Variants in HMCN1 observed in about 807,000 individuals in gnomAD.
HMCN1 encodes the protein hemicentin 1.
Under a neutral mutation model 625.9 loss-of-function variants are expected in HMCN1, and 321 were observed. That is an observed-to-expected ratio of 0.51 (90% CI 0.47 to 0.56). The LOEUF (loss-of-function observed/expected upper bound fraction) is 0.56, where lower values mean the gene tolerates loss of function less well. Among genes scored for constraint, HMCN1 ranks in the 20% least tolerant of loss-of-function variants. The probability of loss-of-function intolerance (pLI) is 0.00; values close to 1 mark genes in which losing one functional copy is unlikely to be tolerated. For synonymous variants in HMCN1, 2,425 were observed against 2,417.6 expected (o/e 1.00, Z -0.09); for missense variants, 6,588 against 6,887.3 (o/e 0.96, Z 1.54).
chr1:185,941,249 G>C (rs1344814813), intron 11 of HMCN1, among the ~76,000 whole-genome samples: 1 of 152,144 alleles, frequency 6.6e-6, no homozygotes, highest in Non-Finnish European at 1.5e-5. Context: ...GACCTCGCTT[G>C]GTCTTCAGAA....
chr1:186,132,935 TC>T lies in HMCN1; in HGVS notation c.13312+528del, dbSNP rs1662023564. On this transcript the variant is annotated intron_variant, in intron 86 of 106. Coordinates refer to ENST00000271588, the MANE Select transcript of HMCN1 (RefSeq NM_031935.3). The stretch of plus-strand genomic sequence containing the variant: ...CGATAGTTTGCTGAGAATGATGGTT[TC>T]CAGCTTCATCCATGTCCCTACAAAG... Among the ~76,000 whole-genome samples, 3 of 152,172 alleles carry T rather than the reference TC, an allele frequency of 2.0e-5. No individual in the cohort carries two copies. In the South Asian group the frequency reaches 6.2e-4, roughly 32 times the overall value.
intron 21 of HMCN1, 125 bp downstream of exon 21, chr1:185,989,772 ATTTTTT>A (rs1156913510): frequency 1.9e-4 from 103 of 535,998 alleles, no homozygotes; most frequent in Non-Finnish European, 2.2e-4. Flanking sequence ...CCAGATTTCT[ATTTTTT>A]TTTTTTTTTT....
In HMCN1 at chr1:186,079,787, G is replaced by C. The variant is rs571380748; in HGVS notation, c.8600-1420G>C. On this transcript the variant is annotated intron_variant, in intron 55 of 106. Transcript: ENST00000271588. ...TTATTTTCAATTAGGAAGTCAGCAA[G>C]CAAGTTGGAGATGAGTTTAGAAGGT... is the stretch of plus-strand genomic sequence containing the variant. Among the ~76,000 whole-genome samples, 25 of 152,318 alleles carry C rather than the reference G, an allele frequency of 1.6e-4. No individual in the cohort carries two copies. The Middle Eastern group carries it at 0.01, about 62-fold the overall frequency.
intron 82 of HMCN1, 121 bp from the exon 83 acceptor site, chr1:186,127,957 G>T: frequency 1.2e-6 from 1 of 852,982 alleles, no homozygotes. Context: ...ACTAAAAGAT[G>T]GAAATTTAAA....
At chr1:185,753,178 C>A (rs1241249627) in intron 1 of HMCN1, among the ~76,000 whole-genome samples, 2 of 152,056 alleles carry the variant, frequency 1.3e-5, no homozygotes, top group East Asian at 1.9e-4. Context: ...ACAATAACTT[C>A]TTTAATCTAT....
intron 64 of HMCN1, among the ~76,000 whole-genome samples, chr1:186,092,618 T>C (rs976605763): frequency 6.7e-6 from 1 of 150,248 alleles, no homozygotes; most frequent in Non-Finnish European, 1.5e-5. Context: ...TTTACTATTA[T>C]GTAATTCAAA....
chr1:185,961,419 T>A (rs532171543), intron 11 of HMCN1, among the ~76,000 whole-genome samples: 1 of 152,356 alleles, frequency 6.6e-6, no homozygotes, highest in South Asian at 2.1e-4. Context: ...CATCTGTGTG[T>A]CCCTGCAAGT....
chr1:186,017,043 G>T lies in HMCN1; in HGVS notation c.5272G>T (p.Val1758Leu). ...VNNLLELDCH[V>L]TGSPPPTIMW... is the part of the protein sequence containing the mutation. ...TAACTTACTGGAGCTAGATTGTCAT[G>T]TGACAGGCTCTCCCCCACCAACTAT... Residue 1758 changes from valine (V) to leucine (L), a missense_variant, in exon 33 of 107, where the codon GTG becomes TTG. Val to Leu is a conservative substitution (Grantham distance 32). Coordinates refer to ENST00000271588, the MANE Select transcript of HMCN1 (RefSeq NM_031935.3). 1 of 1,604,794 alleles carries T rather than the reference G, an allele frequency of 6.2e-7. No individual in the cohort carries two copies. Among genetic ancestry groups the T allele is most frequent in the Non-Finnish European group, 8.5e-7 (1 of 1,171,810 alleles).
chr1:186,065,489 C>A, intron 49 of HMCN1, 60 bp downstream of exon 49: 2 of 1,326,234 alleles, frequency 1.5e-6, no homozygotes, highest in Non-Finnish European at 1.0e-6. Flanking sequence ...GCTAAATTTT[C>A]TTTTCTTTTT....
chr1:185,929,730 T>C (rs1667452358), intron 10 of HMCN1, among the ~76,000 whole-genome samples: 1 of 152,234 alleles, frequency 6.6e-6, no homozygotes, highest in Admixed American at 6.5e-5. Context: ...AAGGTGAACC[T>C]TAAAGCAGAA....
chr1:185,976,198 G>T (rs1042076344), intron 15 of HMCN1, among the ~76,000 whole-genome samples: 3 of 151,934 alleles, frequency 2.0e-5, no homozygotes, highest in Non-Finnish European at 4.4e-5. Context: ...ATAGAGGAGG[G>T]GCCTTTTAAA....
intron 15 of HMCN1, among the ~76,000 whole-genome samples, chr1:185,971,976 T>C (rs1412482928): frequency 6.6e-6 from 1 of 152,182 alleles, no homozygotes; most frequent in Non-Finnish European, 1.5e-5. Flanking sequence ...GCTCTGAATC[T>C]ACTAGCAAGC....
intron 14 of HMCN1, among the ~76,000 whole-genome samples, chr1:185,969,135 C>T (rs1292022144): frequency 1.3e-5 from 2 of 152,186 alleles, no homozygotes; most frequent in Non-Finnish European, 2.9e-5. Flanking sequence ...ACTTGATGAC[C>T]AGTGAGGTCA....
At chr1:185,749,318 G>C (rs1654635179) in intron 1 of HMCN1, among the ~76,000 whole-genome samples, 1 of 152,238 alleles carries the variant, frequency 6.6e-6, no homozygotes, top group African/African-American at 2.4e-5. Context: ...AACTAGTTCA[G>C]TGATGGAGAC....
At chr1:185,964,251 T>C (rs1436359094) in intron 13 of HMCN1, among the ~76,000 whole-genome samples, 1 of 152,178 alleles carries the variant, frequency 6.6e-6, no homozygotes, top group Admixed American at 6.5e-5. Flanking sequence ...TTTCTACTTA[T>C]ATTAAAAACT....
At position 186,023,025 on chromosome 1, in the gene HMCN1, A is replaced by G. The variant is rs1461088234; in HGVS notation, c.5626-5A>G. On this transcript the variant is annotated splice_polypyrimidine_tract_variant and splice_region_variant and intron_variant, in intron 35 of 106. Transcript: ENST00000271588. ...AAATCCTCTGTGCTTTCTGCTCCCAATTAGATACAGTCTTCTGGTCGAGTT... is the reference window on the plus strand; with the variant it reads ...AAATCCTCTGTGCTTTCTGCTCCCAGTTAGATACAGTCTTCTGGTCGAGTT... 1 of 1,613,254 alleles carries G rather than the reference A, an allele frequency of 6.2e-7. No individual in the cohort carries two copies. Among genetic ancestry groups the G allele is most frequent in the Non-Finnish European group, 8.5e-7 (1 of 1,179,360 alleles).
intron 15 of HMCN1, among the ~76,000 whole-genome samples, chr1:185,976,471 TC>T (rs2101986484): frequency 6.6e-6 from 1 of 152,212 alleles, no homozygotes; most frequent in East Asian, 1.9e-4. Flanking sequence ...ACTCCAGAAT[TC>T]CCATGGGAAG....
intron 46 of HMCN1, among the ~76,000 whole-genome samples, chr1:186,060,545 C>T (rs1178180120): frequency 2.0e-5 from 3 of 152,054 alleles, no homozygotes; most frequent in Non-Finnish European, 4.4e-5. Flanking sequence ...TAGAGTTTCA[C>T]TTTCAGTCTA....
At chr1:185,754,578 T>C (rs1432637470) in intron 1 of HMCN1, among the ~76,000 whole-genome samples, 2 of 152,244 alleles carry the variant, frequency 1.3e-5, no homozygotes, top group African/African-American at 4.8e-5. Flanking sequence ...TATAATTCTT[T>C]ACATATATTT....
Sources: allele counts gnomAD v4.1 joint callset (sites outside exome capture counted in the v4.1 genomes callset), GRCh38; gene constraint gnomAD v4.1.1; transcripts MANE v1.5; gene names NCBI Gene and HGNC (gene_info 2026-07-23, HGNC 2026-07-21).